Variants in PISD observed in about 807,000 individuals in gnomAD.
The protein encoded by PISD is phosphatidylserine decarboxylase.
In PISD, 31 loss-of-function variants were observed where a neutral mutation model predicts 43.5. The observed-to-expected ratio is 0.71, with a 90% CI of 0.54 to 0.96. The LOEUF is 0.96. Among genes scored for constraint, PISD ranks in the 40% least tolerant of loss-of-function variants. PISD has a pLI of 0.00. For missense variants in PISD, 523 were observed against 548.4 expected (o/e 0.95, Z 0.46); for synonymous variants, 259 against 228.7 (o/e 1.13, Z -1.20).
chr22:31,644,422 G>T (rs2073825302), intron 3 of PISD, among the ~76,000 whole-genome samples: 1 of 151,736 alleles, frequency 6.6e-6, no homozygotes, highest in Non-Finnish European at 1.5e-5. Flanking sequence ...TGTATTTTTA[G>T]TAGAGATGGG....
intron 1 of PISD, among the ~76,000 whole-genome samples, chr22:31,651,722 T>A (rs1301834219): frequency 6.6e-6 from 1 of 152,138 alleles, no homozygotes; most frequent in African/African-American, 2.4e-5. Context: ...CACTCCACCC[T>A]GGGCAACAAG....
chr22:31,661,870 G>A (rs569380750), intron 1 of PISD, among the ~76,000 whole-genome samples: 256 of 152,210 alleles, frequency 1.7e-3, no homozygotes, highest in Non-Finnish European at 2.9e-3. Context: ...CTCAAGAGAC[G>A]GGCAGGTAGC....
intron 1 of PISD, among the ~76,000 whole-genome samples, chr22:31,661,789 G>A (rs964321160): frequency 4.6e-5 from 7 of 152,120 alleles, no homozygotes; most frequent in African/African-American, 1.4e-4. Flanking sequence ...CCTTCCCACA[G>A]GACATCATTC....
At chr22:31,642,804 A>T (rs1601414342) in intron 3 of PISD, among the ~76,000 whole-genome samples, 1 of 142,352 alleles carries the variant, frequency 7.0e-6, no homozygotes, top group South Asian at 2.1e-4. Context: ...CAAAAAAAAA[A>T]AAAAAGAAAG....
intron 3 of PISD, chr22:31,626,064 G>A (rs1164342422): frequency 7.1e-7 from 1 of 1,413,256 alleles, no homozygotes; most frequent in Non-Finnish European, 9.2e-7. Flanking sequence ...CAGGTCACCT[G>A]CTCAGGGCTT....
Position 31,621,476 on chromosome 22 carries a change from G to T in PISD, c.559-4C>A, listed in dbSNP as rs758199007. The T allele has an allele frequency of 1.9e-6, 3 of 1,613,972 alleles. No individual in the cohort carries two copies. In the African/African-American group the frequency reaches 4.0e-5, roughly 22 times the overall value. On this transcript the variant is annotated splice_polypyrimidine_tract_variant and splice_region_variant and intron_variant, in intron 4 of 7. Transcript: ENST00000439502. Reference sequence around the variant, plus strand: ...TCCTTCCATCCGATGGGCTAATCTGGAAGGGCAGGAGAGGCTTGCTGCCAG... The same window carrying T: ...TCCTTCCATCCGATGGGCTAATCTGTAAGGGCAGGAGAGGCTTGCTGCCAG...
chr22:31,643,102 CAAA>C (rs79749046), intron 3 of PISD, among the ~76,000 whole-genome samples: 5 of 60,546 alleles, frequency 8.3e-5, no homozygotes, highest in Non-Finnish European at 1.1e-4. Flanking sequence ...AATGCCATCT[CAAA>C]AAAAAAAAAA....
chr22:31,620,972 C>T lies in PISD; in HGVS notation c.844+24G>A, dbSNP rs765165531. On this transcript the variant is annotated intron_variant, in intron 6 of 7. Transcript: ENST00000439502. ...TATATGAAGCCCACAGAGGCAGCTC[C>T]CCCCACGCTGGCCCCGGGCTGACCT... 15 of 1,596,812 alleles carry T rather than the reference C, an allele frequency of 9.4e-6. No homozygotes were observed. The South Asian group carries it at 1.7e-4, about 18-fold the overall frequency.
chr22:31,643,200 C>T (rs544131426), intron 3 of PISD, among the ~76,000 whole-genome samples: 11 of 152,100 alleles, frequency 7.2e-5, no homozygotes, highest in South Asian at 6.2e-4. Flanking sequence ...GGCAAGAAGG[C>T]GTGGGAATCA....
At chr22:31,625,679 G>A in intron 3 of PISD, 1 of 1,516,764 alleles carries the variant, frequency 6.6e-7, no homozygotes, top group Non-Finnish European at 8.9e-7. Flanking sequence ...CACCTCTACT[G>A]CGAGGCCGCT....
chr22:31,625,752 C>G, intron 3 of PISD: 1 of 1,578,178 alleles, frequency 6.3e-7, no homozygotes, highest in Non-Finnish European at 8.6e-7. Context: ...GCGCGGTGGG[C>G]AGCATCTCAC....
intron 2 of PISD, among the ~76,000 whole-genome samples, chr22:31,650,477 C>T (rs1485349013): frequency 1.3e-5 from 2 of 148,648 alleles, no homozygotes; most frequent in African/African-American, 5.0e-5. Context: ...TTTAGTAAGC[C>T]GAGATTGCAT....
chr22:31,618,889 G>C lies in PISD; in HGVS notation c.*723C>G, dbSNP rs999262904. 2 of 162,266 alleles carry C rather than the reference G, an allele frequency of 1.2e-5. No homozygotes were observed. Among genetic ancestry groups the C allele is most frequent in the African/African-American group, 4.8e-5 (2 of 41,528 alleles). The allele number at this position is 162,266 out of a possible 1,614,324, so 10.1% of individuals were successfully genotyped here. ...CTACCTGCCTGCCCTGTTCACTCTG[G>C]TGCCATGAGGCAGGTTCAGTGATTG... is the stretch of plus-strand genomic sequence containing the variant. On this transcript the variant is annotated 3_prime_UTR_variant, in exon 8 of 8. Transcript: ENST00000439502.
In PISD at chr22:31,621,069, G is replaced by A. The variant is rs758867171; in HGVS notation, c.771C>T (p.Tyr257=). ...EGNELYHCVI[Y]LAPGDYHCFH... Reference sequence around the variant, plus strand: ...AGCAGTGGTAGTCCCCAGGGGCCAGGTAGATGACACAGTGATAGAGCTCAT... The same window carrying A: ...AGCAGTGGTAGTCCCCAGGGGCCAGATAGATGACACAGTGATAGAGCTCAT... The change falls in exon 6 of 8, where the codon TAC becomes TAT. Residue 257 remains tyrosine, a synonymous_variant. Coordinates refer to ENST00000439502, the MANE Select transcript of PISD (RefSeq NM_001326411.2). 8.7e-6 allele frequency: 14 copies of A among 1,614,118 alleles called. No individual in the cohort carries two copies. In the East Asian group the frequency reaches 2.5e-4, roughly 28 times the overall value.
chr22:31,636,867 G>A (rs1489001537), intron 3 of PISD, among the ~76,000 whole-genome samples: 5 of 151,320 alleles, frequency 3.3e-5, no homozygotes, highest in South Asian at 2.1e-4. Flanking sequence ...TAGTAGAGAC[G>A]GGGTTTCACC....
At chr22:31,636,431 C>A (rs757098378) in intron 3 of PISD, among the ~76,000 whole-genome samples, 24 of 152,354 alleles carry the variant, frequency 1.6e-4, no homozygotes, top group South Asian at 6.2e-4. Context: ...CAGGGCCATG[C>A]CTCAAAACAA....
intron 2 of PISD, among the ~76,000 whole-genome samples, chr22:31,649,492 G>A (rs969475649): frequency 3.9e-5 from 6 of 152,150 alleles, no homozygotes; most frequent in African/African-American, 1.4e-4. Flanking sequence ...CCAGGACTTT[G>A]GGAGGCCGAG....
At chr22:31,641,036 C>T (rs1442356346) in intron 3 of PISD, among the ~76,000 whole-genome samples, 2 of 151,204 alleles carry the variant, frequency 1.3e-5, no homozygotes, top group African/African-American at 2.4e-5. Context: ...TACAAGTATG[C>T]ACCACCACTC....
intron 3 of PISD, among the ~76,000 whole-genome samples, chr22:31,631,801 G>A (rs1283420116): frequency 1.3e-5 from 2 of 152,240 alleles, no homozygotes; most frequent in African/African-American, 4.8e-5. Flanking sequence ...GGGAGCAACT[G>A]AGCACGCCCA....
Sources: allele counts gnomAD v4.1 joint callset (sites outside exome capture counted in the v4.1 genomes callset), GRCh38; gene constraint gnomAD v4.1.1; transcripts MANE v1.5; gene names NCBI Gene and HGNC (gene_info 2026-07-23, HGNC 2026-07-21).